Variants in TIAM2 observed in about 807,000 individuals in gnomAD.
TIAM2 encodes TIAM Rac1 associated GEF 2, also known as rho guanine nucleotide exchange factor TIAM2.
Under a neutral mutation model 152.9 loss-of-function variants are expected in TIAM2, and 80 were observed. The observed-to-expected ratio is 0.52, with a 90% CI of 0.44 to 0.63. The LOEUF is 0.63. Among genes scored for constraint, TIAM2 ranks in the 30% least tolerant of loss-of-function variants. The pLI, the probability that TIAM2 is intolerant of heterozygous loss-of-function variation, is 0.00. For synonymous variants in TIAM2, 804 were observed against 838.0 expected (o/e 0.96, Z 0.70); for missense variants, 1,965 against 2,120.1 (o/e 0.93, Z 1.44).
chr6:155,071,551 G>A (rs1038934982), intron 1 of TIAM2, among the ~76,000 whole-genome samples: 21 of 152,206 alleles, frequency 1.4e-4, no homozygotes, highest in African/African-American at 4.8e-4. Context: ...AATACTTCCT[G>A]CATAGCATGG....
intron 1 of TIAM2, among the ~76,000 whole-genome samples, chr6:155,049,298 G>T (rs1051694503): frequency 6.6e-6 from 1 of 152,142 alleles, no homozygotes; most frequent in African/African-American, 2.4e-5. Context: ...GGGTGAGAGG[G>T]TTCGACGGTT....
At chr6:155,026,836 G>C (rs1776612430) in intron 1 of TIAM2, among the ~76,000 whole-genome samples, 1 of 152,188 alleles carries the variant, frequency 6.6e-6, no homozygotes, top group South Asian at 2.1e-4. Flanking sequence ...TGTAGTTACG[G>C]GAGACTGGGC....
rs1042540597 is a variant in TIAM2, at chr6:155,217,168, C to T, written c.3168+5861C>T. 5 of 1,271,968 alleles carry T rather than the reference C, an allele frequency of 3.9e-6. No homozygotes were observed. In the African/African-American group the frequency reaches 7.7e-5, roughly 20 times the overall value. The allele number at this position is 1,271,968 out of a possible 1,614,324, so 78.8% of individuals were successfully genotyped here. A position where few individuals can be genotyped will look rare whatever the true frequency, so the allele number is the denominator to read the frequency against. ...AGGCATGCTTGCACGGTTTCCTTTT[C>T]TTGATTGAAAGTTGATTTTGCTCTA... On this transcript the variant is annotated intron_variant, in intron 15 of 26. Transcript: ENST00000682666.
intron 4 of TIAM2, among the ~76,000 whole-genome samples, chr6:155,136,194 C>CAA (rs1232689972): frequency 3.3e-5 from 2 of 59,904 alleles, no homozygotes; most frequent in Non-Finnish European, 6.8e-5. Context: ...AACTCCATCT[C>CAA]AAAAAAAAAA....
intron 15 of TIAM2, among the ~76,000 whole-genome samples, chr6:155,227,391 A>C (rs537937926): frequency 6.6e-6 from 1 of 152,358 alleles, no homozygotes; most frequent in South Asian, 2.1e-4. Context: ...ACCCTATTGA[A>C]CAGATATTAC....
At chr6:155,115,641 A>T (rs1778989843) in intron 2 of TIAM2, among the ~76,000 whole-genome samples, 1 of 152,184 alleles carries the variant, frequency 6.6e-6, no homozygotes, top group African/African-American at 2.4e-5. Context: ...TGATAGAGCA[A>T]GACCCTGGCA....
At chr6:155,196,441 AG>A (rs1781348749) in intron 14 of TIAM2, among the ~76,000 whole-genome samples, 3 of 152,268 alleles carry the variant, frequency 2.0e-5, no homozygotes, top group South Asian at 2.1e-4. Context: ...AGAAAGAGAA[AG>A]GGGGGAAATT....
chr6:155,172,664 ATATATATATATATATATATATATTT>A (rs1160444631), intron 9 of TIAM2, among the ~76,000 whole-genome samples: 1 of 7,554 alleles, frequency 1.3e-4, no homozygotes, highest in African/African-American at 3.4e-4. Context: ...ATATATATAT[ATATATATATATATATATATATATTT>A]TTTTTTTTTT....
intron 1 of TIAM2, among the ~76,000 whole-genome samples, chr6:155,053,418 G>T (rs952243539): frequency 1.7e-4 from 25 of 147,700 alleles, no homozygotes; most frequent in African/African-American, 6.2e-4. Flanking sequence ...GCCTCCCAAA[G>T]ACTTGGGATT....
chr6:155,094,730 T>TTTTGTTTTG (rs1554229776), intron 2 of TIAM2, among the ~76,000 whole-genome samples: 1 of 143,116 alleles, frequency 7.0e-6, no homozygotes, highest in Non-Finnish European at 1.5e-5. Flanking sequence ...TATGGTTTTT[T>TTTTGTTTTG]TTTTTTTGTT....
chr6:155,067,939 A>C (rs1319405487), intron 1 of TIAM2, among the ~76,000 whole-genome samples: 2 of 151,984 alleles, frequency 1.3e-5, no homozygotes, highest in African/African-American at 4.8e-5. Flanking sequence ...ACCAAGCCCG[A>C]CTTTTTCCTT....
At chr6:155,150,621 G>C (rs1199873438) in intron 7 of TIAM2, among the ~76,000 whole-genome samples, 1 of 152,104 alleles carries the variant, frequency 6.6e-6, no homozygotes, top group Non-Finnish European at 1.5e-5. Context: ...TCTTAGTCTG[G>C]AACAAAATAC....
intron 2 of TIAM2, among the ~76,000 whole-genome samples, chr6:155,094,872 C>G (rs962420097): frequency 6.6e-6 from 1 of 151,854 alleles, no homozygotes; most frequent in African/African-American, 2.4e-5. Context: ...CATGAGCCAC[C>G]GTGCCTGGCT....
chr6:155,020,122 C>T (rs1259774761), intron 1 of TIAM2, among the ~76,000 whole-genome samples: 1 of 152,082 alleles, frequency 6.6e-6, no homozygotes, highest in Non-Finnish European at 1.5e-5. Flanking sequence ...TCAGGTTCTG[C>T]ACCCGGCTAT....
chr6:155,240,745 C>T (rs751131031), intron 16 of TIAM2, 36 bp downstream of exon 16: 6 of 1,579,910 alleles, frequency 3.8e-6, no homozygotes, highest in South Asian at 3.4e-5. Context: ...ATTCGTGCCT[C>T]TTTGATGATG....
intron 7 of TIAM2, among the ~76,000 whole-genome samples, chr6:155,154,265 T>C (rs1780051199): frequency 6.6e-6 from 1 of 152,330 alleles, no homozygotes; most frequent in South Asian, 2.1e-4. Flanking sequence ...AGCCTAAAAA[T>C]AGAATGTGCA....
chr6:155,036,374 A>G (rs1413350505), intron 1 of TIAM2, among the ~76,000 whole-genome samples: 2 of 151,890 alleles, frequency 1.3e-5, no homozygotes, highest in Non-Finnish European at 2.9e-5. Context: ...TCTACCAAAA[A>G]TACAAAAAAA....
intron 1 of TIAM2, among the ~76,000 whole-genome samples, chr6:155,080,222 C>T (rs920640332): frequency 2.0e-5 from 3 of 151,602 alleles, no homozygotes; most frequent in Admixed American, 6.6e-5. Context: ...ATGTCCATAC[C>T]GCTGACACAG....
chr6:155,152,093 T>C (rs1048227920), intron 7 of TIAM2, among the ~76,000 whole-genome samples: 1 of 152,172 alleles, frequency 6.6e-6, no homozygotes, highest in Non-Finnish European at 1.5e-5. Context: ...TCCGCTTGCC[T>C]CAGCCTCCCA....
Sources: gnomAD v4.1 joint callset for allele counts (sites outside exome capture counted in the v4.1 genomes callset) on GRCh38, gnomAD v4.1.1 for gene constraint, MANE v1.5 for transcripts, NCBI Gene and HGNC (gene_info 2026-07-23, HGNC 2026-07-21) for gene names.